CCDC178: variants seen among roughly 807,000 people sequenced by gnomAD.
The protein encoded by CCDC178 is coiled-coil domain containing 178.
Under a neutral mutation model 117.4 loss-of-function variants are expected in CCDC178, and 126 were observed. That is an observed-to-expected ratio of 1.07 (90% CI 0.93 to 1.24). CCDC178 has a LOEUF of 1.24. Ranked by LOEUF, CCDC178 falls within the 50% of genes most tolerant of loss-of-function variation. The pLI is 0.00. For synonymous variants in CCDC178, 283 were observed against 313.4 expected (o/e 0.90, Z 1.02); for missense variants, 1,030 against 986.9 (o/e 1.04, Z -0.59).
chr18:32,988,309 G>C lies in CCDC178; in HGVS notation c.2389-13628C>G, dbSNP rs117038146. Among the ~76,000 whole-genome samples the C allele has an allele frequency of 3.4e-3, 515 of 151,642 alleles. 2 individuals carry two copies. Among genetic ancestry groups the C allele is most frequent in the Middle Eastern group, 6.9e-3 (2 of 290 alleles). On this transcript the variant is annotated intron_variant, in intron 21 of 22. Transcript: ENST00000383096. Reference sequence around the variant, plus strand: ...AAATTATTCGGGCGTGGTCGCGTATGCCTGTGGTCCCAGATACTCGGGAGG... The same window carrying C: ...AAATTATTCGGGCGTGGTCGCGTATCCCTGTGGTCCCAGATACTCGGGAGG...
At chr18:33,095,036 A>G (rs2057522459) in intron 20 of CCDC178, among the ~76,000 whole-genome samples, 1 of 152,078 alleles carries the variant, frequency 6.6e-6, no homozygotes, top group East Asian at 1.9e-4. Flanking sequence ...TTAACCAATA[A>G]TATTGTTAAA....
At chr18:33,022,581 G>A (rs2056144461) in intron 21 of CCDC178, among the ~76,000 whole-genome samples, 1 of 152,070 alleles carries the variant, frequency 6.6e-6, no homozygotes, top group Non-Finnish European at 1.5e-5. Flanking sequence ...AAGCTACACA[G>A]AGATTCACTA....
At chr18:33,002,755 A>G (rs2055665508) in intron 21 of CCDC178, among the ~76,000 whole-genome samples, 1 of 152,000 alleles carries the variant, frequency 6.6e-6, no homozygotes, top group Admixed American at 6.6e-5. Flanking sequence ...GTGTTTTGAA[A>G]AGATAAATAA....
intron 15 of CCDC178, among the ~76,000 whole-genome samples, chr18:33,235,259 C>G (rs887454940): frequency 6.6e-6 from 1 of 152,140 alleles, no homozygotes; most frequent in African/African-American, 2.4e-5. Context: ...ACTTGACACA[C>G]TGTCTTTTTC....
chr18:33,073,493 A>T (rs1217898064), intron 21 of CCDC178, among the ~76,000 whole-genome samples: 1 of 149,666 alleles, frequency 6.7e-6, no homozygotes, highest in Non-Finnish European at 1.5e-5. Context: ...TATAAAGAGT[A>T]CTATAGTCAG....
chr18:33,365,627 T>C (rs1234209173), intron 6 of CCDC178, among the ~76,000 whole-genome samples: 2 of 152,106 alleles, frequency 1.3e-5, no homozygotes, highest in African/African-American at 2.4e-5. Flanking sequence ...ATAGTTGATG[T>C]TATTAATTTT....
intron 6 of CCDC178, among the ~76,000 whole-genome samples, chr18:33,361,179 T>A (rs976181976): frequency 4.6e-5 from 7 of 151,422 alleles, no homozygotes; most frequent in African/African-American, 1.7e-4. Flanking sequence ...AGTCCAGAAA[T>A]AAGTTAAAAC....
intron 12 of CCDC178, among the ~76,000 whole-genome samples, chr18:33,271,177 GAA>G (rs1291125462): frequency 1.3e-5 from 2 of 151,118 alleles, no homozygotes; most frequent in African/African-American, 4.8e-5. Context: ...AAGGAATAGA[GAA>G]AATATAAAGA....
intron 3 of CCDC178, among the ~76,000 whole-genome samples, chr18:33,409,129 C>T (rs2061362): frequency 0.65 from 99,113 of 152,028 alleles, 32,643 homozygotes; most frequent in South Asian, 0.81. Flanking sequence ...CAGGGTCTTG[C>T]TCTTCACCCA....
intron 22 of CCDC178, among the ~76,000 whole-genome samples, chr18:32,938,603 C>A (rs567569762): frequency 6.6e-6 from 1 of 152,070 alleles, no homozygotes; most frequent in African/African-American, 2.4e-5. Flanking sequence ...AGGAAAGAAA[C>A]AACACACATG....
intron 21 of CCDC178, among the ~76,000 whole-genome samples, chr18:33,053,169 G>A (rs1301898975): frequency 1.3e-5 from 2 of 152,146 alleles, no homozygotes; most frequent in African/African-American, 4.8e-5. Context: ...AAGCCATCTG[G>A]TGTCTGGACA....
At chr18:32,971,305 AG>A (rs1416548119) in intron 22 of CCDC178, among the ~76,000 whole-genome samples, 2 of 152,036 alleles carry the variant, frequency 1.3e-5, no homozygotes, top group African/African-American at 4.8e-5. Context: ...TAGTTTGCTG[AG>A]AATGATGGCT....
chr18:32,946,162 C>T (rs1163097775), intron 22 of CCDC178, among the ~76,000 whole-genome samples: 1 of 152,138 alleles, frequency 6.6e-6, no homozygotes, highest in African/African-American at 2.4e-5. Context: ...GCTCTGTGCT[C>T]ATCAGAGGCC....
At chr18:32,968,142 C>T (rs2054854753) in intron 22 of CCDC178, among the ~76,000 whole-genome samples, 1 of 151,836 alleles carries the variant, frequency 6.6e-6, no homozygotes, top group Non-Finnish European at 1.5e-5. Context: ...TCCCCATCCT[C>T]CTCTTCTCTA....
chr18:33,173,002 T>C (rs972614013), intron 20 of CCDC178, among the ~76,000 whole-genome samples: 6 of 152,202 alleles, frequency 3.9e-5, no homozygotes, highest in Non-Finnish European at 8.8e-5. Context: ...CTCTGCTTGA[T>C]TGCACTGTTT....
intron 20 of CCDC178, among the ~76,000 whole-genome samples, chr18:33,196,872 T>C (rs1351541943): frequency 6.6e-6 from 1 of 152,148 alleles, no homozygotes; most frequent in Non-Finnish European, 1.5e-5. Flanking sequence ...AAAGTGCCCC[T>C]TGTAAAGGTA....
chr18:33,300,538 G>T (rs939550238), intron 11 of CCDC178, among the ~76,000 whole-genome samples: 6 of 152,184 alleles, frequency 3.9e-5, no homozygotes, highest in African/African-American at 1.2e-4. Context: ...CCAAAATACT[G>T]ATAGAAACGT....
At chr18:33,421,020 G>A (rs1342149366) in intron 2 of CCDC178, among the ~76,000 whole-genome samples, 1 of 152,172 alleles carries the variant, frequency 6.6e-6, no homozygotes, top group Non-Finnish European at 1.5e-5. Flanking sequence ...AGGAGATGGT[G>A]TGGAAGTGGG....
chr18:33,370,178 C>T lies in CCDC178; in HGVS notation c.220G>A (p.Gly74Ser), dbSNP rs763548176. 1.9e-6 allele frequency: 3 copies of T among 1,600,882 alleles called. No homozygotes were observed. The African/African-American group carries it at 4.1e-5, about 22-fold the overall frequency. Residue 74 changes from glycine to serine, a missense_variant, in exon 6 of 23, where the codon GGC becomes AGC. Coordinates refer to ENST00000383096, the MANE Select transcript of CCDC178 (RefSeq NM_001105528.4). ...CGACATGGGTAGCTAAAGTAAATGCCTTTATTCACCCCTAAAGAGAACAAA... is the reference window on the plus strand; with the variant it reads ...CGACATGGGTAGCTAAAGTAAATGCTTTTATTCACCCCTAAAGAGAACAAA... ...KMTNTEGVNK[G>S]IYFSYPCRRH...
Sources: allele counts gnomAD v4.1 joint callset (sites outside exome capture counted in the v4.1 genomes callset), GRCh38; gene constraint gnomAD v4.1.1; transcripts MANE v1.5; gene names NCBI Gene and HGNC (gene_info 2026-07-23, HGNC 2026-07-21).